RGS7: variants seen among roughly 807,000 people sequenced by gnomAD.
RGS7 encodes regulator of G protein signaling 7, also known as regulator of G-protein signaling 7.
Under a neutral mutation model 81.1 loss-of-function variants are expected in RGS7, and 27 were observed. The ratio of observed to expected loss-of-function variants is 0.33; its 90% confidence interval spans 0.25 to 0.46. RGS7 has a LOEUF of 0.46. RGS7 is among the 20% of genes least tolerant of loss of function. The pLI, the probability that RGS7 is intolerant of heterozygous loss-of-function variation, is 1.00. For synonymous variants in RGS7, 208 were observed against 207.7 expected (o/e 1.00, Z -0.01); for missense variants, 396 against 607.4 (o/e 0.65, Z 3.66).
chr1:241,083,236 AAAAAAG>A (rs1210898068), intron 3 of RGS7, among the ~76,000 whole-genome samples: 3 of 148,974 alleles, frequency 2.0e-5, no homozygotes, highest in South Asian at 2.1e-4. Flanking sequence ...AAAAAAAAAA[AAAAAAG>A]AAAAAGAAAA....
At chr1:241,320,152 C>T (rs777215275) in intron 2 of RGS7, among the ~76,000 whole-genome samples, 11 of 152,166 alleles carry the variant, frequency 7.2e-5, no homozygotes. Context: ...TGTGTTTTCC[C>T]AGCCATGCTG....
At chr1:241,334,769 T>C (rs1291053222) in intron 2 of RGS7, among the ~76,000 whole-genome samples, 1 of 151,606 alleles carries the variant, frequency 6.6e-6, no homozygotes, top group South Asian at 2.1e-4. Context: ...AGAAAAAAAA[T>C]AGAAAAAAAA....
chr1:240,983,952 T>C (rs1685293307), intron 3 of RGS7, among the ~76,000 whole-genome samples: 1 of 152,150 alleles, frequency 6.6e-6, no homozygotes. Flanking sequence ...CAGAAAACAA[T>C]GTTTGAGCTA....
intron 9 of RGS7, among the ~76,000 whole-genome samples, chr1:240,828,515 G>A (rs538401854): frequency 1.3e-5 from 2 of 152,334 alleles, no homozygotes; most frequent in South Asian, 2.1e-4. Flanking sequence ...TCGGCCAGGT[G>A]CGGTGGCTCA....
chr1:241,047,413 T>G (rs539927175), intron 3 of RGS7, among the ~76,000 whole-genome samples: 1 of 152,276 alleles, frequency 6.6e-6, no homozygotes, highest in South Asian at 2.1e-4. Context: ...CCTCCCACCT[T>G]TCTTCTCTCT....
chr1:241,341,008 T>C (rs1488003359), intron 2 of RGS7, among the ~76,000 whole-genome samples: 3 of 152,178 alleles, frequency 2.0e-5, no homozygotes, highest in Non-Finnish European at 4.4e-5. Context: ...CATTATTCAG[T>C]AGGAGAAACT....
At chr1:241,284,629 TGAAG>T (rs927217690) in intron 2 of RGS7, among the ~76,000 whole-genome samples, 2 of 152,154 alleles carry the variant, frequency 1.3e-5, no homozygotes, top group African/African-American at 4.8e-5. Context: ...TGGTGGAAAG[TGAAG>T]GAAGTCTCAA....
At chr1:241,239,343 T>A (rs1159060197) in intron 2 of RGS7, among the ~76,000 whole-genome samples, 1 of 152,150 alleles carries the variant, frequency 6.6e-6, no homozygotes, top group Non-Finnish European at 1.5e-5. Context: ...CTAATCTAGA[T>A]GATGGCATCT....
intron 6 of RGS7, among the ~76,000 whole-genome samples, chr1:240,870,343 C>CT (rs551951425): frequency 6.0e-5 from 9 of 149,994 alleles, no homozygotes; most frequent in East Asian, 2.0e-4. Flanking sequence ...AACTTGGTAA[C>CT]TTTTTTTTTT....
intron 3 of RGS7, among the ~76,000 whole-genome samples, chr1:241,026,374 G>A (rs60246151): frequency 8.5e-5 from 13 of 152,294 alleles, no homozygotes; most frequent in South Asian, 4.1e-4. Context: ...GATCACCTGA[G>A]GTCAGGGGTT....
At chr1:241,330,234 C>T (rs2081890105) in intron 2 of RGS7, among the ~76,000 whole-genome samples, 1 of 152,172 alleles carries the variant, frequency 6.6e-6, no homozygotes, top group Admixed American at 6.5e-5. Flanking sequence ...CCACCCCGCC[C>T]GGCCCTTGAT....
At chr1:240,821,213 G>A (rs749700309) in intron 10 of RGS7, among the ~76,000 whole-genome samples, 3 of 152,194 alleles carry the variant, frequency 2.0e-5, no homozygotes, top group African/African-American at 7.2e-5. Flanking sequence ...AGCACTTAGG[G>A]AGGCTGAAGC....
chr1:241,239,323 C>T (rs146402663), intron 2 of RGS7, among the ~76,000 whole-genome samples: 1 of 152,206 alleles, frequency 6.6e-6, no homozygotes, highest in Non-Finnish European at 1.5e-5. Flanking sequence ...TGCTATTAAC[C>T]TCTTTGGTTC....
rs546079266 is a variant in RGS7 at position 241,180,300 on chromosome 1, G to A, written c.79-81538C>T. 1.1e-3 allele frequency among the ~76,000 whole-genome samples: 171 copies of A among 152,194 alleles called. 1 individual carries two copies. The highest frequency in any genetic ancestry group is 3.7e-3 in the African/African-American group (154 of 41,526). ...TGAGGCAGGAGAATGGCGTGAACCC[G>A]GGAGGCGGAGATTGCAGTGAGCTGA... On this transcript the variant is annotated intron_variant, in intron 2 of 18. Transcript: ENST00000440928.
At position 241,117,665 on chromosome 1, in the gene RGS7, G is replaced by A. The variant is rs188081521; in HGVS notation, c.79-18903C>T. On this transcript the variant is annotated intron_variant, in intron 2 of 18. Coordinates refer to ENST00000440928, the MANE Select transcript of RGS7 (RefSeq NM_001364886.1). ...ATTGTTTGCAGAGCGGTATCTGTGG[G>A]ATAAAGTGGAAGAGTGTAATGTACA... Among the ~76,000 whole-genome samples, 578 of 152,294 alleles carry A rather than the reference G, an allele frequency of 3.8e-3. 3 individuals carry two copies. The highest frequency in any genetic ancestry group is 0.013 in the African/African-American group (535 of 41,578).
At chr1:241,227,074 T>C (rs1282733981) in intron 2 of RGS7, among the ~76,000 whole-genome samples, 1 of 152,186 alleles carries the variant, frequency 6.6e-6, no homozygotes, top group Non-Finnish European at 1.5e-5. Flanking sequence ...GTTGGCTGGC[T>C]CTGATGAGGA....
At chr1:240,995,076 A>G (rs1260316613) in intron 3 of RGS7, among the ~76,000 whole-genome samples, 1 of 152,110 alleles carries the variant, frequency 6.6e-6, no homozygotes, top group Non-Finnish European at 1.5e-5. Flanking sequence ...TTTGTCTACT[A>G]GCTTTTCTAT....
intron 11 of RGS7, among the ~76,000 whole-genome samples, chr1:240,816,094 G>C (rs1690748526): frequency 6.6e-6 from 1 of 152,204 alleles, no homozygotes; most frequent in Non-Finnish European, 1.5e-5. Context: ...GGTAAATAAA[G>C]AGTGAGGGGT....
chr1:241,221,051 G>GA (rs1193422854), intron 2 of RGS7, among the ~76,000 whole-genome samples: 21 of 113,568 alleles, frequency 1.8e-4, no homozygotes, highest in African/African-American at 6.5e-4. Context: ...AAGAAAGAAA[G>GA]AAAGAAAGAG....
Sources: allele counts gnomAD v4.1 joint callset (sites outside exome capture counted in the v4.1 genomes callset), GRCh38; gene constraint gnomAD v4.1.1; transcripts MANE v1.5; gene names NCBI Gene and HGNC (gene_info 2026-07-23, HGNC 2026-07-21).